The following ASAP2 variants were observed in gnomAD, a reference collection of about 807,000 sequenced individuals.
ASAP2 encodes ArfGAP with SH3 domain, ankyrin repeat and PH domain 2, also known as arf-GAP with SH3 domain, ANK repeat and PH domain-containing protein 2.
ASAP2 carries 45 observed loss-of-function variants against 131.4 expected under a neutral mutation model. The observed-to-expected ratio is 0.34, with a 90% CI of 0.27 to 0.44. ASAP2 has a LOEUF of 0.44. Among genes scored for constraint, ASAP2 ranks in the 20% least tolerant of loss-of-function variants. ASAP2 has a pLI of 1.00. For missense variants in ASAP2, 1,011 were observed against 1,297.0 expected, an observed-to-expected ratio of 0.78 and a Z score of 3.39; for synonymous variants, 510 against 503.0, an observed-to-expected ratio of 1.01 and a Z score of -0.19.
chr2:9,264,701 C>A (rs1665821091), intron 1 of ASAP2, among the ~76,000 whole-genome samples: 1 of 152,208 alleles, frequency 6.6e-6, no homozygotes, highest in African/African-American at 2.4e-5. Flanking sequence ...AAGTCCTTTG[C>A]CTCTTCCAGA....
intron 1 of ASAP2, among the ~76,000 whole-genome samples, chr2:9,208,638 T>C (rs1366024575): frequency 6.6e-6 from 1 of 152,174 alleles, no homozygotes; most frequent in Non-Finnish European, 1.5e-5. Context: ...TGTAAACCTT[T>C]CCTATGAATT....
chr2:9,377,402 C>T (rs558575159), intron 18 of ASAP2, among the ~76,000 whole-genome samples: 1 of 152,334 alleles, frequency 6.6e-6, no homozygotes, highest in South Asian at 2.1e-4. Context: ...TAGCCATGGT[C>T]TGAGCCAGAG....
At chr2:9,223,119 A>C (rs757345604) in intron 1 of ASAP2, among the ~76,000 whole-genome samples, 7 of 152,180 alleles carry the variant, frequency 4.6e-5, no homozygotes, top group Non-Finnish European at 1.0e-4. Context: ...TGACATTTAA[A>C]GTTGGCCTCC....
intron 1 of ASAP2, among the ~76,000 whole-genome samples, chr2:9,238,621 G>A (rs1187853704): frequency 2.0e-5 from 3 of 152,210 alleles, no homozygotes; most frequent in Admixed American, 1.3e-4. Context: ...GCATGGGGAG[G>A]AGAGGCTGAG....
At chr2:9,223,081 TCA>T (rs748314154) in intron 1 of ASAP2, among the ~76,000 whole-genome samples, 3 of 152,210 alleles carry the variant, frequency 2.0e-5, no homozygotes, top group Non-Finnish European at 4.4e-5. Context: ...ATCTCTCAAG[TCA>T]CACTTGCAAG....
At chr2:9,262,712 G>A (rs976372343) in intron 1 of ASAP2, among the ~76,000 whole-genome samples, 2 of 152,180 alleles carry the variant, frequency 1.3e-5, no homozygotes, top group African/African-American at 4.8e-5. Flanking sequence ...AAGGAACACA[G>A]CACACAAATG....
intron 12 of ASAP2, among the ~76,000 whole-genome samples, chr2:9,353,120 T>C (rs1672455993): frequency 6.6e-6 from 1 of 152,152 alleles, no homozygotes; most frequent in Non-Finnish European, 1.5e-5. Flanking sequence ...TTGATGAACA[T>C]CCTGAGAAGG....
chr2:9,331,051 G>T (rs180699207), intron 7 of ASAP2, among the ~76,000 whole-genome samples: 1 of 152,208 alleles, frequency 6.6e-6, no homozygotes, highest in African/African-American at 2.4e-5. Context: ...GTGTTTCCAC[G>T]TGTGGGAGCG....
chr2:9,206,985 T>G lies in ASAP2; in HGVS notation c.-120T>G, dbSNP rs1186559776. On this transcript the variant is annotated 5_prime_UTR_variant, in exon 1 of 28. Coordinates refer to ENST00000281419, the MANE Select transcript of ASAP2 (RefSeq NM_003887.3). This position sits in a 1 kb window ranked among gnomAD's most constrained non-coding sequence, Gnocchi z 4.0. ...CGGCTCCCGCGCCCGGCGCTCCCCT[T>G]TGTCCGCGGGCCGGAGCGGCGGCGG... is the stretch of plus-strand genomic sequence containing the variant. The G allele has an allele frequency of 5.2e-6, 5 of 963,476 alleles. No individual in the cohort carries two copies. The highest frequency in any genetic ancestry group is 6.1e-5 in the Admixed American group (1 of 16,416). The allele number at this position is 963,476 out of a possible 1,614,324, so 59.7% of individuals were successfully genotyped here.
intron 16 of ASAP2, among the ~76,000 whole-genome samples, chr2:9,370,641 C>T (rs990990033): frequency 9.2e-5 from 14 of 152,274 alleles, no homozygotes; most frequent in Admixed American, 2.0e-4. Context: ...GGGGCATGAG[C>T]GGGATGATGG....
chr2:9,340,061 C>T (rs375599593), intron 9 of ASAP2, among the ~76,000 whole-genome samples: 1 of 152,172 alleles, frequency 6.6e-6, no homozygotes, highest in Non-Finnish European at 1.5e-5. Flanking sequence ...CTCCCTCTGT[C>T]GTCTAGGCTG....
rs115709662 is a variant in ASAP2 at position 9,339,701 on chromosome 2, G to A, written c.849+4522G>A. Among the ~76,000 whole-genome samples, 1,036 of 152,036 alleles carry A rather than the reference G, an allele frequency of 6.8e-3. 14 individuals carry two copies. Among genetic ancestry groups the A allele is most frequent in the African/African-American group, 0.023 (971 of 41,470 alleles). ...TATCCCTTAGCCTCCTTGTTGGTCC[G>A]TCCTCTGGCCCTATGTCTTCATGGC... On this transcript the variant is annotated intron_variant, in intron 9 of 27. Transcript: ENST00000281419.
At chr2:9,373,449 C>G (rs1038661408) in intron 16 of ASAP2, among the ~76,000 whole-genome samples, 1 of 152,246 alleles carries the variant, frequency 6.6e-6, no homozygotes, top group African/African-American at 2.4e-5. Context: ...CGTCTGGGTG[C>G]TGTGGGAGTA....
At chr2:9,265,981 C>A (rs913971108) in intron 1 of ASAP2, among the ~76,000 whole-genome samples, 2 of 151,946 alleles carry the variant, frequency 1.3e-5, no homozygotes, top group Non-Finnish European at 2.9e-5. Context: ...ACCATGTTAG[C>A]CAGGCTGGTC....
chr2:9,324,007 G>A (rs1049292543), intron 6 of ASAP2, among the ~76,000 whole-genome samples: 1 of 152,332 alleles, frequency 6.6e-6, no homozygotes, highest in Middle Eastern at 3.4e-3. Flanking sequence ...GGCAGTGCCA[G>A]CGAAGCTCCC....
intron 24 of ASAP2, among the ~76,000 whole-genome samples, chr2:9,398,353 T>A (rs1019492595): frequency 6.6e-6 from 1 of 151,602 alleles, no homozygotes; most frequent in Admixed American, 6.6e-5. Flanking sequence ...TTACAAAAAA[T>A]TTTGAAAGTT....
chr2:9,231,343 G>A (rs985995956), intron 1 of ASAP2, among the ~76,000 whole-genome samples: 4 of 152,180 alleles, frequency 2.6e-5, no homozygotes, highest in Non-Finnish European at 5.9e-5. Flanking sequence ...TCAGCCAGGA[G>A]GAACTTGCTC....
At chr2:9,353,280 G>T (rs1672468941) in intron 12 of ASAP2, among the ~76,000 whole-genome samples, 1 of 151,288 alleles carries the variant, frequency 6.6e-6, no homozygotes, top group Admixed American at 6.6e-5. Context: ...TGAACTGCCT[G>T]GGTGGGCCAG....
intron 27 of ASAP2, among the ~76,000 whole-genome samples, chr2:9,401,834 G>A (rs1362264559): frequency 6.6e-6 from 1 of 152,222 alleles, no homozygotes; most frequent in East Asian, 1.9e-4. Flanking sequence ...ATGAGTGCCG[G>A]CCACCTAAGA....
Sources: allele counts gnomAD v4.1 joint callset (sites outside exome capture counted in the v4.1 genomes callset), GRCh38; gene constraint gnomAD v4.1.1; non-coding constraint Gnocchi (gnomAD v3.1); transcripts MANE v1.5; gene names NCBI Gene and HGNC (gene_info 2026-07-23, HGNC 2026-07-21).